SPATA6L: variants seen among roughly 807,000 people sequenced by gnomAD.
SPATA6L encodes spermatogenesis associated 6 like, also known as spermatogenesis associated 6-like protein.
SPATA6L carries 68 observed loss-of-function variants against 49.2 expected under a neutral mutation model. That is an observed-to-expected ratio of 1.38 (90% CI 1.14 to 1.69). The LOEUF (loss-of-function observed/expected upper bound fraction) is 1.69. Ranked by LOEUF, SPATA6L falls within the 40% of genes most tolerant of loss-of-function variation. The pLI is 0.00. For synonymous variants in SPATA6L, 198 were observed against 165.7 expected (o/e 1.19, Z -1.50); for missense variants, 668 against 464.3 (o/e 1.44, Z -4.03).
chr9:4,592,703 C>G (rs565387181), intron 13 of SPATA6L, among the ~76,000 whole-genome samples: 7 of 152,176 alleles, frequency 4.6e-5, no homozygotes, highest in Non-Finnish European at 8.8e-5. Flanking sequence ...AGCATAGTAG[C>G]TATAGTTAAT....
intron 11 of SPATA6L, among the ~76,000 whole-genome samples, chr9:4,603,970 T>C (rs1254501141): frequency 6.6e-6 from 1 of 152,038 alleles, no homozygotes; most frequent in Non-Finnish European, 1.5e-5. Context: ...GCAGGGGAGA[T>C]GATTACAAGA....
At chr9:4,607,942 G>A (rs1288705803) in intron 9 of SPATA6L, among the ~76,000 whole-genome samples, 1 of 151,746 alleles carries the variant, frequency 6.6e-6, no homozygotes, top group East Asian at 1.9e-4. Context: ...ATAAAAGGAT[G>A]GAGGAAGATC....
At chr9:4,646,465 A>G in intron 3 of SPATA6L, 1 of 1,499,054 alleles carries the variant, frequency 6.7e-7, no homozygotes, top group South Asian at 1.3e-5. Flanking sequence ...CTAATTTAGA[A>G]ACGGATTTAC....
intron 4 of SPATA6L, among the ~76,000 whole-genome samples, chr9:4,634,201 T>G (rs895062247): frequency 6.6e-6 from 1 of 152,200 alleles, no homozygotes; most frequent in Non-Finnish European, 1.5e-5. Context: ...TAACAGAGTA[T>G]CCCCTACCTA....
rs907976906 is a variant in SPATA6L at position 4,599,507 on chromosome 9, C to G, written c.*1304G>C. On this transcript the variant is annotated 3_prime_UTR_variant, in exon 12 of 12. Coordinates refer to ENST00000682582, the MANE Select transcript of SPATA6L (RefSeq NM_001353486.2). ...ACAAGTTTTAGGGTAGTGTCTTACT[C>G]TATTCAGGCTGCTATAACAAAATGT... Among the ~76,000 whole-genome samples, 1 of 152,210 alleles carries G rather than the reference C, an allele frequency of 6.6e-6. No homozygotes were observed. The highest frequency in any genetic ancestry group is 2.4e-5 in the African/African-American group (1 of 41,458).
Position 4,635,390 on chromosome 9 carries a change from T to C in SPATA6L, c.236A>G (p.Glu79Gly). Residue 79 changes from glutamate (E) to glycine (G), a missense_variant, in exon 4 of 12, where the codon GAG becomes GGG. Physicochemically the swap from Glu to Gly is moderately conservative, Grantham distance 98. Transcript: ENST00000682582. ...AVVDLLEMWD[E>G]LAYYEENTRD... ...TGTGTTTTCTTCGTAGTAGGCCAAC[T>C]CATCCCACACTAGAAAGAAAATAGA... 6.3e-7 allele frequency: 1 copy of C among 1,581,892 alleles called. No individual in the cohort carries two copies. Among genetic ancestry groups the C allele is most frequent in the Non-Finnish European group, 8.5e-7 (1 of 1,170,300 alleles).
At chr9:4,650,000 A>C (rs1836428718) in intron 3 of SPATA6L, among the ~76,000 whole-genome samples, 1 of 152,246 alleles carries the variant, frequency 6.6e-6, no homozygotes, top group South Asian at 2.1e-4. Flanking sequence ...ATATAAATGC[A>C]GGAAATCAAC....
intron 7 of SPATA6L, among the ~76,000 whole-genome samples, 166 bp from the exon 8 acceptor site, chr9:4,619,064 T>C (rs1828661582): frequency 6.6e-6 from 1 of 152,170 alleles, no homozygotes. Context: ...TAAGTCTCCC[T>C]TGAGCCACTT....
chr9:4,606,143 G>A (rs1824869368), intron 9 of SPATA6L, among the ~76,000 whole-genome samples: 1 of 151,946 alleles, frequency 6.6e-6, no homozygotes, highest in South Asian at 2.1e-4. Flanking sequence ...GGCTCGGAGG[G>A]TCCTACGCCC....
intron 9 of SPATA6L, among the ~76,000 whole-genome samples, chr9:4,616,379 C>T (rs3780404): frequency 6.6e-6 from 1 of 152,038 alleles, no homozygotes; most frequent in Non-Finnish European, 1.5e-5. Context: ...TGTCTCCTGA[C>T]CACTGTTAAT....
chr9:4,639,510 A>G (rs1833574373), intron 3 of SPATA6L, among the ~76,000 whole-genome samples: 1 of 152,240 alleles, frequency 6.6e-6, no homozygotes, highest in South Asian at 2.1e-4. Flanking sequence ...TTCTCAAGAC[A>G]GTCTCTCTGG....
intron 2 of SPATA6L, 85 bp downstream of exon 2, chr9:4,661,814 A>T: frequency 1.3e-6 from 2 of 1,490,020 alleles, no homozygotes; most frequent in Non-Finnish European, 1.8e-6. Flanking sequence ...GAAATTTACC[A>T]AATAATGCTG....
intron 9 of SPATA6L, among the ~76,000 whole-genome samples, chr9:4,613,227 CAA>C (rs910846150): frequency 4.6e-5 from 6 of 129,726 alleles, no homozygotes. Context: ...GATTCTATCT[CAA>C]AAAAAAAAAA....
In SPATA6L at chr9:4,606,231, C is replaced by G. The variant is rs556810174; in HGVS notation, c.996-791G>C. ...GCAGCGAGGCTGGGGGAGGGGCGCCCGCCATTGCCCAGGCTTGCTGAGGTA... is the reference window on the plus strand; with the variant it reads ...GCAGCGAGGCTGGGGGAGGGGCGCCGGCCATTGCCCAGGCTTGCTGAGGTA... On this transcript the variant is annotated intron_variant, in intron 9 of 11. Coordinates refer to ENST00000682582, the MANE Select transcript of SPATA6L (RefSeq NM_001353486.2). 7.6e-4 allele frequency among the ~76,000 whole-genome samples: 112 copies of G among 147,580 alleles called. 1 individual carries two copies. Among genetic ancestry groups the G allele is most frequent in the South Asian group, 5.6e-3 (26 of 4,632 alleles).
intron 9 of SPATA6L, among the ~76,000 whole-genome samples, chr9:4,610,835 G>C (rs958659537): frequency 6.6e-6 from 1 of 151,972 alleles, no homozygotes; most frequent in Admixed American, 6.5e-5. Context: ...CACAGCAAAA[G>C]AAACTACCAT....
intron 1 of SPATA6L, chr9:4,663,164 T>A: frequency 6.2e-7 from 1 of 1,614,146 alleles, no homozygotes; most frequent in Non-Finnish European, 8.5e-7. Context: ...ACGTAGCTTT[T>A]GGCTTTTTTC....
rs369628564 is a variant in SPATA6L at position 4,600,483 on chromosome 9, C to CAGAGAGAGAGAGAGAGAGAGCG, written c.*327_*328insCGCTCTCTCTCTCTCTCTCTCT. 14 of 19,440 alleles carry CAGAGAGAGAGAGAGAGAGAGCG rather than the reference C, an allele frequency of 7.2e-4. No homozygotes were observed. Among genetic ancestry groups the CAGAGAGAGAGAGAGAGAGAGCG allele is most frequent in the Non-Finnish European group, 2.3e-3 (14 of 6,024 alleles). 1.2% of individuals were successfully genotyped at this position (19,440 alleles called of 1,614,324 possible). Reference sequence around the variant, plus strand: ...TTTGAGAGAGAGAGACAGAGAGAGCCAGAGAGAGCCAGAGAGAGAGAGAGG... The same window carrying CAGAGAGAGAGAGAGAGAGAGCG: ...TTTGAGAGAGAGAGACAGAGAGAGCCAGAGAGAGAGAGAGAGAGAGCGAGAGAGAGCCAGAGAGAGAGAGAGG... On this transcript the variant is annotated 3_prime_UTR_variant, in exon 12 of 12. Coordinates refer to ENST00000682582, the MANE Select transcript of SPATA6L (RefSeq NM_001353486.2).
At chr9:4,611,396 C>T (rs563073558) in intron 9 of SPATA6L, among the ~76,000 whole-genome samples, 1 of 148,904 alleles carries the variant, frequency 6.7e-6, no homozygotes, top group Non-Finnish European at 1.5e-5. Context: ...TCGGAACCAA[C>T]CCAAATGTCC....
intron 3 of SPATA6L, among the ~76,000 whole-genome samples, chr9:4,647,529 C>T (rs1482202219): frequency 2.0e-5 from 3 of 152,084 alleles, no homozygotes; most frequent in African/African-American, 7.2e-5. Context: ...GAGGTGAAGG[C>T]TGCAGTGAGC....
Sources: gnomAD v4.1 joint callset for allele counts (sites outside exome capture counted in the v4.1 genomes callset) on GRCh38, gnomAD v4.1.1 for gene constraint, MANE v1.5 for transcripts, NCBI Gene and HGNC (gene_info 2026-07-23, HGNC 2026-07-21) for gene names.